Variants in MIER3 observed in about 807,000 individuals in gnomAD.
MIER3 encodes MIER family member 3.
MIER3 carries 9 observed loss-of-function variants against 63.2 expected under a neutral mutation model. The ratio of observed to expected loss-of-function variants is 0.14; its 90% CI spans 0.09 to 0.25. The LOEUF (loss-of-function observed/expected upper bound fraction) is 0.25, where lower values mean the gene tolerates loss of function less well. Ranked by LOEUF, MIER3 falls within the 10% of genes least tolerant of loss-of-function variation. MIER3 has a pLI of 1.00. For missense variants in MIER3, 512 were observed against 666.2 expected, an observed-to-expected ratio of 0.77 and a Z score of 2.55; for synonymous variants, 205 against 224.9, an observed-to-expected ratio of 0.91 and a Z score of 0.79.
At chr5:56,925,401 T>G (rs1749916349) in intron 10 of MIER3, 1 of 442,864 alleles carries the variant, frequency 2.3e-6, no homozygotes, top group African/African-American at 2.0e-5. Flanking sequence ...AATAAGCACT[T>G]ACAGCAAAGT....
chr5:56,948,787 C>T (rs1750916699), intron 2 of MIER3, among the ~76,000 whole-genome samples: 1 of 152,204 alleles, frequency 6.6e-6, no homozygotes, highest in Non-Finnish European at 1.5e-5. Context: ...GCCAAAGAGG[C>T]AGAAATGAAA....
intron 3 of MIER3, among the ~76,000 whole-genome samples, chr5:56,940,613 T>C (rs1478598720): frequency 6.6e-6 from 1 of 152,270 alleles, no homozygotes; most frequent in African/African-American, 2.4e-5. Flanking sequence ...CATACGCCTT[T>C]CTAATGACCA....
intron 4 of MIER3, chr5:56,938,330 G>A: frequency 2.1e-6 from 1 of 471,186 alleles, no homozygotes; most frequent in Non-Finnish European, 4.4e-6. Context: ...TCCTCTCCCT[G>A]CCTGAGATCT....
intron 3 of MIER3, among the ~76,000 whole-genome samples, chr5:56,945,440 G>A (rs1378694128): frequency 6.6e-6 from 1 of 151,984 alleles, no homozygotes; most frequent in Non-Finnish European, 1.5e-5. Flanking sequence ...TCCAGCCTGC[G>A]CAATGGAGCA....
intron 3 of MIER3, among the ~76,000 whole-genome samples, chr5:56,944,792 T>C (rs1200325003): frequency 2.0e-5 from 3 of 152,094 alleles, no homozygotes; most frequent in Admixed American, 6.6e-5. Flanking sequence ...TCTGGGATGA[T>C]CAAGTGATCC....
intron 3 of MIER3, among the ~76,000 whole-genome samples, chr5:56,940,665 A>G (rs1750614210): frequency 6.6e-6 from 1 of 152,258 alleles, no homozygotes; most frequent in South Asian, 2.1e-4. Flanking sequence ...GATTTAAATC[A>G]ACCAAAAGTC....
chr5:56,935,483 T>C lies in MIER3; in HGVS notation c.540A>G (p.Leu180=). The C allele has an allele frequency of 1.3e-6, 2 of 1,593,150 alleles. No homozygotes were observed. Among genetic ancestry groups the C allele is most frequent in the Non-Finnish European group, 1.7e-6 (2 of 1,174,216 alleles). ...AAGGGGGAATCTCTGCCTGATATTG[T>C]AAACCAATCATTATTTCCTACAGGA... is the stretch of plus-strand genomic sequence containing the variant. ...EDLRKEIMIG[L]QYQAEIPPYL... Residue 180 remains leucine, a synonymous_variant, in exon 7 of 13, where the codon TTA becomes TTG. Transcript: ENST00000381199.
intron 7 of MIER3, among the ~76,000 whole-genome samples, chr5:56,933,857 C>T (rs1423079282): frequency 6.6e-6 from 1 of 151,740 alleles, no homozygotes; most frequent in Admixed American, 6.6e-5. Flanking sequence ...TAAGGAAATA[C>T]CTAAGAAGGG....
chr5:56,930,551 A>T, intron 9 of MIER3, 113 bp downstream of exon 9: 1 of 856,244 alleles, frequency 1.2e-6, no homozygotes, highest in Non-Finnish European at 2.0e-6. Flanking sequence ...GAGCTGAACC[A>T]GATCTTACAA....
intron 10 of MIER3, among the ~76,000 whole-genome samples, chr5:56,924,446 C>A (rs1290744835): frequency 6.6e-6 from 1 of 152,062 alleles, no homozygotes; most frequent in Non-Finnish European, 1.5e-5. Context: ...AAATGGATTT[C>A]ATTGAGATCT....
At chr5:56,948,376 A>G (rs967489537) in intron 2 of MIER3, among the ~76,000 whole-genome samples, 3 of 152,198 alleles carry the variant, frequency 2.0e-5, no homozygotes, top group African/African-American at 7.2e-5. Context: ...ATTTAAAAAG[A>G]AATATAGGCC....
chr5:56,952,133 C>G (rs969451009), upstream of MIER3: 24 of 1,238,298 alleles, frequency 1.9e-5, no homozygotes, highest in Non-Finnish European at 2.3e-5. Context: ...CGAGCAGCGC[C>G]GAGCCCAGTC....
At chr5:56,947,121 A>G in intron 2 of MIER3, 50 bp from the exon 3 acceptor site, 1 of 1,545,146 alleles carries the variant, frequency 6.5e-7, no homozygotes, top group Non-Finnish European at 8.7e-7. Flanking sequence ...GGCTATTAAC[A>G]AAAGAAAATA....
At chr5:56,927,658 A>G (rs969420158) in intron 10 of MIER3, among the ~76,000 whole-genome samples, 8 of 152,056 alleles carry the variant, frequency 5.3e-5, no homozygotes, top group African/African-American at 1.9e-4. Flanking sequence ...TCTACTTTCA[A>G]CATCCTACAT....
chr5:56,948,632 G>A (rs980723860), intron 2 of MIER3, among the ~76,000 whole-genome samples: 1 of 151,944 alleles, frequency 6.6e-6, no homozygotes, highest in Non-Finnish European at 1.5e-5. Flanking sequence ...TCACACCACT[G>A]CACTCCAGCC....
intron 9 of MIER3, among the ~76,000 whole-genome samples, chr5:56,930,346 A>C (rs574123194): frequency 6.6e-6 from 1 of 152,078 alleles, no homozygotes; most frequent in African/African-American, 2.4e-5. Context: ...AAAAAGAAAA[A>C]ATCTTTTTTT....
chr5:56,925,421 C>T (rs1749918095), intron 10 of MIER3: 1 of 431,788 alleles, frequency 2.3e-6, no homozygotes, highest in Non-Finnish European at 4.6e-6. Flanking sequence ...TTTCAGGAGA[C>T]AAGGTTAATA....
At chr5:56,938,852 C>A (rs1443461134) in intron 4 of MIER3, 31 bp downstream of exon 4, 4 of 1,602,328 alleles carry the variant, frequency 2.5e-6, no homozygotes, top group South Asian at 2.2e-5. Context: ...GTAACAGACC[C>A]TGAATTTTTC....
chr5:56,940,910 C>G, intron 3 of MIER3: 1 of 948,292 alleles, frequency 1.1e-6, no homozygotes, highest in Non-Finnish European at 1.3e-6. Flanking sequence ...GCCTGGGTTG[C>G]AGCCTTTGCC....
Sources: allele counts gnomAD v4.1 joint callset (sites outside exome capture counted in the v4.1 genomes callset), GRCh38; gene constraint gnomAD v4.1.1; transcripts MANE v1.5; gene names NCBI Gene and HGNC (gene_info 2026-07-23, HGNC 2026-07-21).